PCNX2: variants seen among roughly 807,000 people sequenced by gnomAD.
PCNX2 encodes pecanex-like protein 2.
A neutral mutation model predicts 223.8 loss-of-function variants in PCNX2; 168 were observed. The ratio of observed to expected loss-of-function variants is 0.75; its 90% confidence interval spans 0.66 to 0.85. The LOEUF is 0.85. PCNX2 is among the 40% of genes least tolerant of loss of function. The pLI, the probability that PCNX2 is intolerant of heterozygous loss-of-function variation, is 0.00. For synonymous variants in PCNX2, 1,006 were observed against 1,052.6 expected, an observed-to-expected ratio of 0.96 and a Z score of 0.86; for missense variants, 2,507 against 2,675.5, an observed-to-expected ratio of 0.94 and a Z score of 1.39.
intron 23 of PCNX2, among the ~76,000 whole-genome samples, chr1:233,082,700 T>C (rs947707240): frequency 6.6e-6 from 1 of 152,192 alleles, no homozygotes; most frequent in Non-Finnish European, 1.5e-5. Flanking sequence ...TTTGCAAAGA[T>C]CTTACAAGTC....
intron 32 of PCNX2, among the ~76,000 whole-genome samples, chr1:232,989,555 T>C (rs987111788): frequency 1.3e-5 from 2 of 151,872 alleles, no homozygotes; most frequent in East Asian, 1.9e-4. Context: ...CCCAACCACC[T>C]CTCCAATGGC....
At chr1:233,167,080 A>G (rs991624515) in intron 17 of PCNX2, among the ~76,000 whole-genome samples, 1 of 152,248 alleles carries the variant, frequency 6.6e-6, no homozygotes, top group Non-Finnish European at 1.5e-5. Context: ...CCATAAAGAC[A>G]TTTGTGCTAC....
chr1:233,230,605 A>C (rs985271400), intron 9 of PCNX2, among the ~76,000 whole-genome samples: 1 of 152,196 alleles, frequency 6.6e-6, no homozygotes, highest in African/African-American at 2.4e-5. Context: ...TTGCCCAGTA[A>C]GTTGGGCCTG....
chr1:233,065,549 C>T (rs1311685272), intron 23 of PCNX2: 1 of 152,024 alleles, frequency 6.6e-6, no homozygotes, highest in African/African-American at 2.4e-5. Context: ...TATAAAAACA[C>T]CTTCTGAAAG....
chr1:233,063,675 T>C (rs552955815), intron 23 of PCNX2, among the ~76,000 whole-genome samples: 223 of 152,348 alleles, frequency 1.5e-3, no homozygotes, highest in Non-Finnish European at 2.7e-3. Context: ...TTCATGTCTT[T>C]CATCAATTTT....
intron 1 of PCNX2, among the ~76,000 whole-genome samples, chr1:233,285,838 T>C (rs1431193863): frequency 1.3e-5 from 2 of 152,250 alleles, no homozygotes; most frequent in Non-Finnish European, 2.9e-5. Flanking sequence ...CAATAGTGAC[T>C]AGTCAAATAA....
intron 17 of PCNX2, among the ~76,000 whole-genome samples, chr1:233,165,261 G>A (rs1367628948): frequency 1.3e-5 from 2 of 152,208 alleles, no homozygotes; most frequent in Non-Finnish European, 2.9e-5. Flanking sequence ...TTGCTCCATA[G>A]TCTTGTCAAT....
chr1:233,125,732 G>A (rs1456674306), intron 21 of PCNX2, among the ~76,000 whole-genome samples: 3 of 152,138 alleles, frequency 2.0e-5, no homozygotes, highest in Admixed American at 6.5e-5. Flanking sequence ...CTCTTTTGGG[G>A]GAGGATTATT....
At chr1:233,110,241 G>A (rs768404898) in intron 21 of PCNX2, among the ~76,000 whole-genome samples, 35 of 152,006 alleles carry the variant, frequency 2.3e-4, no homozygotes, top group African/African-American at 7.7e-4. Context: ...GAAAACAAAC[G>A]ACAAAAAGAA....
intron 15 of PCNX2, among the ~76,000 whole-genome samples, chr1:233,189,704 TG>T (rs1680310115): frequency 6.6e-6 from 1 of 152,174 alleles, no homozygotes; most frequent in Admixed American, 6.5e-5. Context: ...CGCAAGCAGT[TG>T]TTAAGGATAC....
At chr1:233,108,251 A>T (rs1301801236) in intron 21 of PCNX2, among the ~76,000 whole-genome samples, 1 of 152,134 alleles carries the variant, frequency 6.6e-6, no homozygotes, top group African/African-American at 2.4e-5. Context: ...CTTGTGCGAG[A>T]TCCAAGAACC....
Position 232,991,718 on chromosome 1 carries a change from C to T in PCNX2, c.5792-5178G>A, listed in dbSNP as rs370787320. 5.3e-5 allele frequency among the ~76,000 whole-genome samples: 8 copies of T among 152,114 alleles called. No individual in the cohort carries two copies. In the South Asian group the frequency reaches 6.2e-4, roughly 12 times the overall value. The stretch of plus-strand genomic sequence containing the variant: ...AGAGCTCAGTGGTGCTTCTCGAGGC[C>T]GGGGGATGCCTAAGATGGCCGGTGA... On this transcript the variant is annotated intron_variant, in intron 32 of 33. Transcript: ENST00000258229. This position sits in a 1 kb window ranked among gnomAD's most constrained non-coding sequence, Gnocchi z 4.3.
At chr1:233,129,270 C>T (rs964438230) in intron 21 of PCNX2, among the ~76,000 whole-genome samples, 3 of 152,228 alleles carry the variant, frequency 2.0e-5, no homozygotes, top group Non-Finnish European at 2.9e-5. Context: ...GCAGAGGGTG[C>T]GCTGGGTCCC....
At chr1:233,020,661 A>C (rs1670846676) in intron 26 of PCNX2, among the ~76,000 whole-genome samples, 1 of 152,228 alleles carries the variant, frequency 6.6e-6, no homozygotes, top group African/African-American at 2.4e-5. Flanking sequence ...CTCCTTTCTA[A>C]AAGAGCTGCC....
In PCNX2 at chr1:233,177,916, C is replaced by T. The variant is rs375102277; in HGVS notation, c.3177-18G>A. 66 of 1,589,424 alleles carry T rather than the reference C, an allele frequency of 4.2e-5. No homozygotes were observed. In the African/African-American group the frequency reaches 7.7e-4, roughly 18 times the overall value. On this transcript the variant is annotated intron_variant, in intron 16 of 33. Transcript: ENST00000258229. ...TGAAGGACCTGAAAGTGGAAAAACA[C>T]AATACTTCATCAAAGATGTTCCTGG...
chr1:233,221,283 C>T (rs1657363376), intron 10 of PCNX2, among the ~76,000 whole-genome samples: 1 of 151,332 alleles, frequency 6.6e-6, no homozygotes, highest in Non-Finnish European at 1.5e-5. Context: ...TTTAATAGTG[C>T]TCAATATATT....
chr1:233,030,349 T>C (rs529978762), intron 25 of PCNX2, among the ~76,000 whole-genome samples: 4 of 152,312 alleles, frequency 2.6e-5, no homozygotes, highest in Non-Finnish European at 5.9e-5. Flanking sequence ...ATCCTAAACA[T>C]AGTATTACCT....
intron 5 of PCNX2, 74 bp from the exon 6 acceptor site, chr1:233,252,862 A>G: frequency 1.4e-6 from 2 of 1,389,708 alleles, no homozygotes; most frequent in Non-Finnish European, 1.9e-6. Flanking sequence ...ATAAGTTACC[A>G]AAACTGAAAC....
chr1:233,020,613 G>A (rs1670844550), intron 26 of PCNX2, among the ~76,000 whole-genome samples: 1 of 152,256 alleles, frequency 6.6e-6, no homozygotes, highest in Non-Finnish European at 1.5e-5. Flanking sequence ...CTGTCGGGTT[G>A]TTCGCGCCTC....
Sources: allele counts gnomAD v4.1 joint callset (sites outside exome capture counted in the v4.1 genomes callset), GRCh38; gene constraint gnomAD v4.1.1; non-coding constraint Gnocchi (gnomAD v3.1); transcripts MANE v1.5; gene names NCBI Gene and HGNC (gene_info 2026-07-23, HGNC 2026-07-21).